AKNA: variants seen among roughly 807,000 people sequenced by gnomAD.
AKNA encodes the protein microtubule organization protein AKNA.
A neutral mutation model predicts 138.8 loss-of-function variants in AKNA; 67 were observed. The observed-to-expected ratio is 0.48, with a 90% CI of 0.40 to 0.59. The LOEUF is 0.59. Among genes scored for constraint, AKNA ranks in the 20% least tolerant of loss-of-function variants. The pLI, the probability that AKNA is intolerant of heterozygous loss-of-function variation, is 0.00. For missense variants in AKNA, 1,813 were observed against 1,880.4 expected, an observed-to-expected ratio of 0.96 and a Z score of 0.66; for synonymous variants, 737 against 754.4, an observed-to-expected ratio of 0.98 and a Z score of 0.38.
chr9:114,336,940 C>A lies in AKNA; in HGVS notation c.*114G>T. On this transcript the variant is annotated 3_prime_UTR_variant, in exon 22 of 22. Coordinates refer to ENST00000374088, the MANE Select transcript of AKNA (RefSeq NM_001317950.2). ...GCGGGACCTGTGCTGGAGGGAGACC[C>A]TCCTGGTGAGGAACTATGCGGGCCT... 7.5e-7 allele frequency: 1 copy of A among 1,336,214 alleles called. No homozygotes were observed. The allele number at this position is 1,336,214 out of a possible 1,614,324, so 82.8% of individuals were successfully genotyped here.
intron 3 of AKNA, chr9:114,376,263 G>C (rs1428046846): frequency 2.6e-6 from 1 of 387,362 alleles, no homozygotes; most frequent in East Asian, 8.4e-5. Context: ...CTCCATCCCA[G>C]GGCTTCCCAC....
intron 11 of AKNA, chr9:114,358,431 C>T (rs1384612715): frequency 2.1e-6 from 1 of 467,978 alleles, no homozygotes; most frequent in South Asian, 2.7e-5. Flanking sequence ...GCAGCATTTC[C>T]CAGACTTAAG....
intron 17 of AKNA, 91 bp from the exon 18 acceptor site, chr9:114,346,100 G>A: frequency 7.5e-7 from 1 of 1,327,806 alleles, no homozygotes; most frequent in Non-Finnish European, 1.0e-6. Flanking sequence ...AGGCTCTGGG[G>A]TGGATGCCTG....
At chr9:114,330,958 A>G, downstream of AKNA, 1 of 972,718 alleles carries the variant, frequency 1.0e-6, no homozygotes, top group Non-Finnish European at 1.6e-6. Flanking sequence ...GGCTTTGGGC[A>G]CAGAGAAATA....
chr9:114,342,071 C>T lies in AKNA; in HGVS notation c.3812G>A (p.Cys1271Tyr). The change falls in exon 20 of 22, where the codon TGT becomes TAT. Residue 1271 changes from cysteine (C) to tyrosine (Y), a missense_variant. Coordinates refer to ENST00000374088, the MANE Select transcript of AKNA (RefSeq NM_001317950.2). ...LGPPPADTLQ[C>Y]PLCGQVGSPP... is the part of the protein sequence containing the mutation. ...AGACCCAACTTGACCACACAGGGGACACTGAAGGGTATCAGCGGGAGGCGG... is the reference window on the plus strand; with the variant it reads ...AGACCCAACTTGACCACACAGGGGATACTGAAGGGTATCAGCGGGAGGCGG... 1 of 1,613,314 alleles carries T rather than the reference C, an allele frequency of 6.2e-7. No individual in the cohort carries two copies. Among genetic ancestry groups the T allele is most frequent in the African/African-American group, 1.3e-5 (1 of 74,986 alleles).
intron 14 of AKNA, among the ~76,000 whole-genome samples, chr9:114,353,715 G>C (rs1212726651): frequency 3.3e-5 from 5 of 152,100 alleles, no homozygotes; most frequent in African/African-American, 1.2e-4. Context: ...CATTATTGTA[G>C]GCTACAAACC....
chr9:114,331,426 G>A (rs575855964), downstream of AKNA: 3 of 647,688 alleles, frequency 4.6e-6, no homozygotes, highest in East Asian at 5.3e-5. Context: ...AGCAGGGGCT[G>A]GGCACACGGT....
At chr9:114,348,737 C>A in intron 15 of AKNA, 1 of 404,438 alleles carries the variant, frequency 2.5e-6, no homozygotes, top group Non-Finnish European at 5.0e-6. Context: ...AGCAGACAAT[C>A]CTACCCAGAT....
At chr9:114,389,144 G>C (rs1290007264), upstream of AKNA, among the ~76,000 whole-genome samples, 3 of 152,280 alleles carry the variant, frequency 2.0e-5, no homozygotes, top group East Asian at 5.8e-4. Context: ...TGTTCTGGGA[G>C]GGCAAGTGGA....
chr9:114,358,239 G>T, intron 11 of AKNA, 72 bp from the exon 12 acceptor site: 1 of 1,595,048 alleles, frequency 6.3e-7, no homozygotes. Context: ...CCTGTCCTGG[G>T]AGCCAAGCAG....
At chr9:114,381,587 G>T in intron 1 of AKNA, 141 bp from the exon 2 acceptor site, 1 of 732,580 alleles carries the variant, frequency 1.4e-6, no homozygotes, top group Non-Finnish European at 1.9e-6. Context: ...TGTCACCTTG[G>T]GCAAGTCACT....
At chr9:114,377,911 C>A (rs1331514516) in intron 2 of AKNA, among the ~76,000 whole-genome samples, 2 of 152,166 alleles carry the variant, frequency 1.3e-5, no homozygotes, top group Admixed American at 6.5e-5. Flanking sequence ...ATAAAGATCG[C>A]AAACTCATCT....
chr9:114,331,691 G>A (rs1339279077), downstream of AKNA: 2 of 1,606,570 alleles, frequency 1.2e-6, no homozygotes, highest in African/African-American at 2.7e-5. Context: ...ATGCTTAGCA[G>A]CCCCAAACTC....
intron 21 of AKNA, 143 bp from the exon 22 acceptor site, chr9:114,337,449 AAAATGG>A: frequency 4.8e-6 from 4 of 825,148 alleles, no homozygotes; most frequent in Non-Finnish European, 6.6e-6. Flanking sequence ...CTTTACCTCT[AAAATGG>A]GAATAATGGG....
At chr9:114,337,666 G>A (rs539907985) in intron 21 of AKNA, among the ~76,000 whole-genome samples, 105 of 152,158 alleles carry the variant, frequency 6.9e-4, no homozygotes, top group African/African-American at 2.3e-3. Flanking sequence ...TCTTGGAGCC[G>A]GATCTTGGGG....
At chr9:114,366,476 A>G (rs1588992791) in intron 6 of AKNA, among the ~76,000 whole-genome samples, 1 of 152,080 alleles carries the variant, frequency 6.6e-6, no homozygotes, top group South Asian at 2.1e-4. Context: ...GAGGCTGGGG[A>G]AAGAGGGGAT....
At chr9:114,367,430 G>C (rs1832443306) in intron 6 of AKNA, 113 bp downstream of exon 6, 11 of 1,322,606 alleles carry the variant, frequency 8.3e-6, no homozygotes, top group Non-Finnish European at 1.1e-5. Flanking sequence ...TCGGTGCAGA[G>C]GCAGGGGAAT....
Position 114,345,880 on chromosome 9 carries a change from A to G in AKNA, c.3644T>C (p.Phe1215Ser). ...TGACCTACCTGTGTATTGGCCCCGG[A>G]AGGTGACCCTGTCTGGCCATCCAGC... ...GSAGWPDRVTFRGQYTGHEYH... is the reference protein window; with the variant it reads ...GSAGWPDRVTSRGQYTGHEYH... Residue 1215 changes from phenylalanine to serine, a missense_variant, in exon 18 of 22, where the codon TTC becomes TCC. Phe to Ser is a radical substitution (Grantham distance 155, BLOSUM62 -2). Transcript: ENST00000374088. 6.2e-7 allele frequency: 1 copy of G among 1,614,076 alleles called. No individual in the cohort carries two copies. Among genetic ancestry groups the G allele is most frequent in the Non-Finnish European group, 8.5e-7 (1 of 1,179,996 alleles).
chr9:114,372,568 G>T (rs908857671), intron 4 of AKNA, among the ~76,000 whole-genome samples: 2 of 152,146 alleles, frequency 1.3e-5, no homozygotes, highest in Non-Finnish European at 2.9e-5. Flanking sequence ...GAAGGGAGGA[G>T]GGAGGGTGCA....
Sources: gnomAD v4.1 joint callset for allele counts (sites outside exome capture counted in the v4.1 genomes callset) on GRCh38, gnomAD v4.1.1 for gene constraint, MANE v1.5 for transcripts, NCBI Gene and HGNC (gene_info 2026-07-23, HGNC 2026-07-21) for gene names.